The following FBXO3 variants were observed in gnomAD, a reference collection of about 807,000 sequenced individuals.
The protein encoded by FBXO3 is F-box only protein 3.
Under a neutral mutation model 64.8 loss-of-function variants are expected in FBXO3, and 17 were observed. The ratio of observed to expected loss-of-function variants is 0.26; its 90% CI spans 0.18 to 0.39. The LOEUF is 0.39. FBXO3 is among the 10% of genes least tolerant of loss of function. FBXO3 has a pLI of 1.00. For synonymous variants in FBXO3, 182 were observed against 201.6 expected, an observed-to-expected ratio of 0.90 and a Z score of 0.82; for missense variants, 420 against 589.9, an observed-to-expected ratio of 0.71 and a Z score of 2.98.
Position 33,758,540 on chromosome 11 carries a change from G to T in FBXO3, c.420C>A (p.Asp140Glu). 1 of 1,609,478 alleles carries T rather than the reference G, an allele frequency of 6.2e-7. No homozygotes were observed. The highest frequency in any genetic ancestry group is 8.5e-7 in the Non-Finnish European group (1 of 1,176,734). Residue 140 changes from aspartate to glutamate, a missense_variant, in exon 4 of 11, where the codon GAC becomes GAA. Asp to Glu is a conservative substitution (Grantham distance 45, BLOSUM62 2). Around this residue, in one of 3 missense-constraint regions of FBXO3, gnomAD observed 337 missense variants for 518.4 expected, o/e 0.65. Coordinates refer to ENST00000265651, the MANE Select transcript of FBXO3 (RefSeq NM_012175.4). Reference sequence around the variant, plus strand: ...GAATTCGGTATGAACATCGATAATCGTCAGGAAGCTTGCAGCCAATCTGCG... The same window carrying T: ...GAATTCGGTATGAACATCGATAATCTTCAGGAAGCTTGCAGCCAATCTGCG... ...VEAQIGCKLP[D>E]DYRCSYRIHN...
intron 10 of FBXO3, 146 bp downstream of exon 10, chr11:33,746,984 C>A (rs1854828419): frequency 2.0e-6 from 3 of 1,481,654 alleles, no homozygotes; most frequent in South Asian, 2.8e-5. Flanking sequence ...TTTCTCTCAA[C>A]AAATTCACAT....
chr11:33,759,981 T>C (rs1004110605), intron 3 of FBXO3, among the ~76,000 whole-genome samples: 1 of 152,070 alleles, frequency 6.6e-6, no homozygotes, highest in Non-Finnish European at 1.5e-5. Context: ...GGAAGCCAGG[T>C]CAGAAGACAA....
At chr11:33,768,124 A>C (rs1855421585) in intron 3 of FBXO3, among the ~76,000 whole-genome samples, 1 of 151,814 alleles carries the variant, frequency 6.6e-6, no homozygotes, top group Non-Finnish European at 1.5e-5. Context: ...AGCAAAACCG[A>C]ACATCTATAC....
intron 7 of FBXO3, 132 bp downstream of exon 7, chr11:33,751,391 T>A: frequency 1.6e-6 from 1 of 608,104 alleles, no homozygotes; most frequent in Non-Finnish European, 2.9e-6. Flanking sequence ...CTGAAGACAA[T>A]CTTCTATTAT....
rs758255773 is a variant in FBXO3 at position 33,758,613 on chromosome 11, C to A, written c.359-12G>T. The A allele has an allele frequency of 1.9e-6, 3 of 1,554,090 alleles. No individual in the cohort carries two copies. Among genetic ancestry groups the A allele is most frequent in the Non-Finnish European group, 1.8e-6 (2 of 1,140,988 alleles). The stretch of plus-strand genomic sequence containing the variant: ...CTCTCGAGCACCCTCTATAAAGGCA[C>A]AAAAAAGAGTGAATTGTGAAGAAAC... On this transcript the variant is annotated splice_polypyrimidine_tract_variant and intron_variant, in intron 3 of 10. Transcript: ENST00000265651.
intron 3 of FBXO3, among the ~76,000 whole-genome samples, chr11:33,762,128 A>G (rs1412587096): frequency 1.3e-5 from 2 of 152,234 alleles, no homozygotes; most frequent in African/African-American, 2.4e-5. Context: ...AGGAGAGATC[A>G]TTATACCAGG....
At position 33,742,001 on chromosome 11, in the gene FBXO3, A is replaced by T. The variant is rs1294390647; in HGVS notation, c.1323T>A (p.Asp441Glu). The T allele has an allele frequency of 6.2e-7, 1 of 1,605,636 alleles. No individual in the cohort carries two copies. The highest frequency in any genetic ancestry group is 1.7e-5 in the Admixed American group (1 of 59,992). Residue 441 changes from aspartate to glutamate, a missense_variant, in exon 11 of 11, where the codon GAT (aspartate) becomes GAA (glutamate). Physicochemically the swap from Asp to Glu is conservative, Grantham distance 45. This residue lies in a region of FBXO3 where 57 missense variants were observed against 55.4 expected (regional missense o/e 1.03). Coordinates refer to ENST00000265651, the MANE Select transcript of FBXO3 (RefSeq NM_012175.4). ...CATCATCTTCATCTGATTCATCCATATCTGCTGAATCATCATCCTCGTCTT... is the reference window on the plus strand; with the variant it reads ...CATCATCTTCATCTGATTCATCCATTTCTGCTGAATCATCATCCTCGTCTT... Reference protein sequence around the residue: ...EEEDEDDDSADMDESDEDDEE... With the variant: ...EEEDEDDDSAEMDESDEDDEE...
At chr11:33,761,624 CTTA>C (rs1217660802) in intron 3 of FBXO3, among the ~76,000 whole-genome samples, 1 of 152,190 alleles carries the variant, frequency 6.6e-6, no homozygotes, top group Non-Finnish European at 1.5e-5. Flanking sequence ...GCTTAAAGCA[CTTA>C]TTATTTCACA....
At chr11:33,768,319 G>A (rs143228409) in intron 3 of FBXO3, among the ~76,000 whole-genome samples, 5 of 152,284 alleles carry the variant, frequency 3.3e-5, no homozygotes, top group African/African-American at 9.6e-5. Flanking sequence ...GAGTTGAACA[G>A]ACCTCAGTTC....
chr11:33,771,529 T>C (rs1855511506), intron 1 of FBXO3: 1 of 152,218 alleles, frequency 6.6e-6, no homozygotes, highest in Non-Finnish European at 1.5e-5. Context: ...GTAAAAAGAA[T>C]GAACCTAAGA....
At position 33,747,297 on chromosome 11, in the gene FBXO3, C is replaced by G; in HGVS notation, c.1072G>C (p.Gly358Arg). ...CAGCTTGTGTATTCATATACCCGAC[C>G]TGGGCTGATGATTGGAAATTCACCT... ...VVGEFPIISPGRVYEYTSCTT... is the reference protein window; with the variant it reads ...VVGEFPIISPRRVYEYTSCTT... Residue 358 changes from glycine (G) to arginine (R), a missense_variant, in exon 10 of 11, where the codon GGT becomes CGT. By Grantham distance (125) the Gly-to-Arg change is moderately radical (BLOSUM62 -2). Transcript: ENST00000265651. 2 of 1,610,974 alleles carry G rather than the reference C, an allele frequency of 1.2e-6. No individual in the cohort carries two copies. The highest frequency in any genetic ancestry group is 1.7e-6 in the Non-Finnish European group (2 of 1,179,314).
chr11:33,746,745 T>A, intron 10 of FBXO3: 1 of 1,426,896 alleles, frequency 7.0e-7, no homozygotes, highest in South Asian at 1.5e-5. Flanking sequence ...ACATTAAATT[T>A]TCTTTATAAT....
At chr11:33,749,592 A>C (rs1021146097) in intron 8 of FBXO3, among the ~76,000 whole-genome samples, 1 of 152,056 alleles carries the variant, frequency 6.6e-6, no homozygotes, top group African/African-American at 2.4e-5. Context: ...TTGAACTCCC[A>C]AACTCAAGCA....
At chr11:33,745,236 A>G (rs1282288673) in intron 10 of FBXO3, 2 of 152,108 alleles carry the variant, frequency 1.3e-5, no homozygotes, top group African/African-American at 4.8e-5. Context: ...GAGAAACAAA[A>G]AACTATAATT....
intron 8 of FBXO3, among the ~76,000 whole-genome samples, chr11:33,749,513 C>T (rs1214859720): frequency 6.6e-6 from 1 of 152,066 alleles, no homozygotes; most frequent in Non-Finnish European, 1.5e-5. Flanking sequence ...AGGCATGTGC[C>T]ACCACACCTG....
chr11:33,771,709 T>C (rs1855515796), intron 1 of FBXO3: 1 of 152,226 alleles, frequency 6.6e-6, no homozygotes, highest in Non-Finnish European at 1.5e-5. Context: ...AAAATTGCCT[T>C]TGTTTGATTT....
Position 33,750,645 on chromosome 11 carries a change from C to T in FBXO3, c.826G>A (p.Glu276Lys), listed in dbSNP as rs149012624. 44 of 1,613,186 alleles carry T rather than the reference C, an allele frequency of 2.7e-5. No homozygotes were observed. Among genetic ancestry groups the T allele is most frequent in the Non-Finnish European group, 3.7e-5 (44 of 1,179,432 alleles). The change falls in exon 8 of 11, where the codon GAA (glutamate) becomes AAA (lysine). Residue 276 changes from glutamate to lysine, a missense_variant. Coordinates refer to ENST00000265651, the MANE Select transcript of FBXO3 (RefSeq NM_012175.4). ...ATATCCCCAGTTGTTGCTACACATT[C>T]TGGATCGTGAACATATCTAGGTAAT... is the stretch of plus-strand genomic sequence containing the variant. ...DQIFRYVHDP[E>K]CVATTGDITV... is the part of the protein sequence containing the mutation.
intron 3 of FBXO3, among the ~76,000 whole-genome samples, chr11:33,763,794 A>G (rs1423766965): frequency 1.3e-5 from 2 of 152,242 alleles, no homozygotes; most frequent in Non-Finnish European, 2.9e-5. Flanking sequence ...AAGAAAAAGA[A>G]ATACATGATA....
intron 3 of FBXO3, 46 bp downstream of exon 3, chr11:33,768,805 A>C (rs1855438081): frequency 1.2e-6 from 2 of 1,606,990 alleles, no homozygotes; most frequent in Non-Finnish European, 1.7e-6. Flanking sequence ...ACCTATTTAT[A>C]CTAACAGTAA....
Sources: allele counts gnomAD v4.1 joint callset (sites outside exome capture counted in the v4.1 genomes callset), GRCh38; gene constraint gnomAD v4.1.1; regional missense constraint gnomAD v4.1.1; transcripts MANE v1.5; gene names NCBI Gene and HGNC (gene_info 2026-07-23, HGNC 2026-07-21).